The following NOS1AP variants were observed in gnomAD, a reference collection of about 807,000 sequenced individuals.
The protein encoded by NOS1AP is nitric oxide synthase 1 adaptor protein, also known as carboxyl-terminal PDZ ligand of neuronal nitric oxide synthase protein.
NOS1AP carries 21 observed loss-of-function variants against 56.2 expected under a neutral mutation model. That is an observed-to-expected ratio of 0.37 (90% CI 0.26 to 0.54). The LOEUF (loss-of-function observed/expected upper bound fraction) is 0.54. Ranked by LOEUF, NOS1AP falls within the 20% of genes least tolerant of loss-of-function variation. The probability of loss-of-function intolerance (pLI) is 0.84; values close to 1 mark genes in which losing one functional copy is unlikely to be tolerated. For missense variants in NOS1AP, 522 were observed against 657.8 expected (o/e 0.79, Z 2.26); for synonymous variants, 270 against 274.6 (o/e 0.98, Z 0.17).
chr1:162,283,147 A>G (rs989209080), intron 2 of NOS1AP, among the ~76,000 whole-genome samples: 1 of 151,598 alleles, frequency 6.6e-6, no homozygotes, highest in African/African-American at 2.4e-5. Context: ...ATGTTAATAT[A>G]CATATATATT....
intron 1 of NOS1AP, among the ~76,000 whole-genome samples, chr1:162,114,745 A>G (rs61809615): frequency 0.039 from 5,865 of 152,216 alleles, 153 homozygotes; most frequent in Non-Finnish European, 0.053. Flanking sequence ...GGACCTGCCT[A>G]CCTGCAGCAT....
chr1:162,243,870 C>T (rs561106528), intron 2 of NOS1AP, among the ~76,000 whole-genome samples: 1 of 152,158 alleles, frequency 6.6e-6, no homozygotes, highest in Non-Finnish European at 1.5e-5. Flanking sequence ...CCGTCTTCCC[C>T]TCAAAGGGGG....
At chr1:162,183,859 C>A (rs1651343059) in intron 2 of NOS1AP, among the ~76,000 whole-genome samples, 1 of 152,196 alleles carries the variant, frequency 6.6e-6, no homozygotes, top group Non-Finnish European at 1.5e-5. Context: ...CCATATCAGC[C>A]ATAAGGCTGC....
intron 1 of NOS1AP, among the ~76,000 whole-genome samples, chr1:162,121,126 A>C: frequency 7.5e-6 from 1 of 133,788 alleles, no homozygotes; most frequent in Admixed American, 7.6e-5. Flanking sequence ...TGCATTTGAG[A>C]GGGGTAAACC....
At chr1:162,356,923 G>T (rs1350268847) in intron 7 of NOS1AP, 37 bp from the exon 8 acceptor site, 6 of 1,613,466 alleles carry the variant, frequency 3.7e-6, no homozygotes, top group Non-Finnish European at 4.2e-6. Context: ...GATGGCTCCT[G>T]CCACATGTCA....
intron 8 of NOS1AP, among the ~76,000 whole-genome samples, chr1:162,358,888 A>T (rs1398814337): frequency 1.3e-5 from 2 of 152,252 alleles, no homozygotes; most frequent in African/African-American, 4.8e-5. Flanking sequence ...ACTATTTGCA[A>T]ATGTGTAATC....
intron 2 of NOS1AP, among the ~76,000 whole-genome samples, chr1:162,208,079 C>T (rs1652219917): frequency 6.6e-6 from 1 of 152,054 alleles, no homozygotes. Context: ...TGCGGGAGGA[C>T]CAGCAGTGAG....
At chr1:162,115,395 C>T (rs2102044929) in intron 1 of NOS1AP, among the ~76,000 whole-genome samples, 1 of 150,198 alleles carries the variant, frequency 6.7e-6, no homozygotes, top group Non-Finnish European at 1.5e-5. Flanking sequence ...CTCAGGTGCT[C>T]TGTTTTTTTT....
At chr1:162,082,541 T>A (rs1020781081) in intron 1 of NOS1AP, among the ~76,000 whole-genome samples, 3 of 152,248 alleles carry the variant, frequency 2.0e-5, no homozygotes, top group Non-Finnish European at 1.5e-5. Context: ...CTGAACTAAT[T>A]TATACTCCCA....
chr1:162,352,222 G>T (rs1657531773), intron 6 of NOS1AP, among the ~76,000 whole-genome samples: 1 of 152,080 alleles, frequency 6.6e-6, no homozygotes, highest in South Asian at 2.1e-4. Context: ...ACCATGCCCA[G>T]CTAATTTTTG....
chr1:162,265,260 G>A (rs539246242), intron 2 of NOS1AP, among the ~76,000 whole-genome samples: 259 of 151,014 alleles, frequency 1.7e-3, no homozygotes, highest in African/African-American at 5.9e-3. Flanking sequence ...TAAGTTTTAG[G>A]GTACATGTGC....
chr1:162,294,951 G>A (rs1284703298), intron 3 of NOS1AP, among the ~76,000 whole-genome samples: 1 of 152,176 alleles, frequency 6.6e-6, no homozygotes, highest in Non-Finnish European at 1.5e-5. Flanking sequence ...TGAGCATTTA[G>A]CGTATTGGCC....
chr1:162,083,645 T>G (rs1460012775), intron 1 of NOS1AP, among the ~76,000 whole-genome samples: 1 of 152,206 alleles, frequency 6.6e-6, no homozygotes, highest in African/African-American at 2.4e-5. Flanking sequence ...AAATTTTACC[T>G]TTCCTCAAAG....
intron 2 of NOS1AP, among the ~76,000 whole-genome samples, chr1:162,158,979 A>G (rs1650084520): frequency 1.3e-5 from 2 of 152,236 alleles, no homozygotes; most frequent in Admixed American, 6.5e-5. Flanking sequence ...CAAAGTTTTC[A>G]GGGAAGTTCT....
intron 4 of NOS1AP, among the ~76,000 whole-genome samples, chr1:162,308,180 A>G (rs1455592951): frequency 6.6e-6 from 1 of 152,254 alleles, no homozygotes; most frequent in Non-Finnish European, 1.5e-5. Context: ...ACATTAATGT[A>G]GAAGATATGA....
At chr1:162,226,830 G>T (rs1652960254) in intron 2 of NOS1AP, among the ~76,000 whole-genome samples, 1 of 152,060 alleles carries the variant, frequency 6.6e-6, no homozygotes, top group South Asian at 2.1e-4. Flanking sequence ...TGCCTTCAGG[G>T]AGCTCTGAAA....
intron 2 of NOS1AP, among the ~76,000 whole-genome samples, chr1:162,254,796 A>T (rs12742393): frequency 3.9e-5 from 6 of 152,024 alleles, no homozygotes; most frequent in Non-Finnish European, 7.4e-5. Flanking sequence ...GCATTTTACC[A>T]GTACAATCTG....
chr1:162,344,155 TA>T (rs1657201661), intron 6 of NOS1AP, among the ~76,000 whole-genome samples, 179 bp downstream of exon 6: 1 of 152,178 alleles, frequency 6.6e-6, no homozygotes, highest in Non-Finnish European at 1.5e-5. Context: ...TAACAGAAAT[TA>T]AAGATGTTTA....
At chr1:162,239,888 C>T (rs754792109) in intron 2 of NOS1AP, among the ~76,000 whole-genome samples, 2 of 152,160 alleles carry the variant, frequency 1.3e-5, no homozygotes, top group Non-Finnish European at 2.9e-5. Context: ...TGATTTTATG[C>T]TCAAAATAAT....
Sources: allele counts gnomAD v4.1 joint callset (sites outside exome capture counted in the v4.1 genomes callset), GRCh38; gene constraint gnomAD v4.1.1; transcripts MANE v1.5; gene names NCBI Gene and HGNC (gene_info 2026-07-23, HGNC 2026-07-21).